The following ASAP1 variants were observed in gnomAD, a reference collection of about 807,000 sequenced individuals.
ASAP1 encodes ArfGAP with SH3 domain, ankyrin repeat and PH domain 1.
Under a neutral mutation model 145.2 loss-of-function variants are expected in ASAP1, and 43 were observed. That is an observed-to-expected ratio of 0.30 (90% CI 0.23 to 0.38). ASAP1 has a LOEUF of 0.38. Among genes scored for constraint, ASAP1 ranks in the 10% least tolerant of loss-of-function variants. ASAP1 has a pLI of 1.00. For missense variants in ASAP1, 1,018 were observed against 1,355.3 expected (o/e 0.75, Z 3.91); for synonymous variants, 546 against 515.5 (o/e 1.06, Z -0.80).
chr8:130,160,055 T>C, intron 11 of ASAP1, 91 bp from the exon 12 acceptor site: 1 of 1,097,784 alleles, frequency 9.1e-7, no homozygotes, highest in Non-Finnish European at 1.4e-6. Context: ...GGCACTGGTC[T>C]GGGTCTAAGG....
At chr8:130,329,209 C>T (rs924987664) in intron 3 of ASAP1, among the ~76,000 whole-genome samples, 5 of 152,190 alleles carry the variant, frequency 3.3e-5, no homozygotes, top group African/African-American at 1.2e-4. Flanking sequence ...CAGCGGTTCA[C>T]TAAGCCACTT....
intron 24 of ASAP1, among the ~76,000 whole-genome samples, chr8:130,097,159 A>AAAAAAC (rs2097520000): frequency 7.5e-6 from 1 of 132,946 alleles, no homozygotes; most frequent in Non-Finnish European, 1.6e-5. Context: ...AAAAAAAAAA[A>AAAAAAC]AAGTCCTTGA....
chr8:130,336,401 C>T (rs1825038846), intron 3 of ASAP1, among the ~76,000 whole-genome samples: 1 of 152,208 alleles, frequency 6.6e-6, no homozygotes, highest in Admixed American at 6.5e-5. Flanking sequence ...TACCCCAAAC[C>T]TACCAAATTA....
intron 27 of ASAP1, among the ~76,000 whole-genome samples, chr8:130,074,893 G>C (rs1449399787): frequency 6.6e-6 from 1 of 152,198 alleles, no homozygotes; most frequent in East Asian, 1.9e-4. Flanking sequence ...GAAGTCAGTT[G>C]AGTGGCAGAA....
intron 1 of ASAP1, among the ~76,000 whole-genome samples, chr8:130,425,918 A>T (rs1374312284): frequency 6.6e-6 from 1 of 152,106 alleles, no homozygotes; most frequent in African/African-American, 2.4e-5. Context: ...GGAAGAAGAA[A>T]TCCATACTTT....
intron 3 of ASAP1, chr8:130,340,903 G>A (rs372703669): frequency 2.9e-4 from 130 of 456,036 alleles, no homozygotes; most frequent in African/African-American, 2.3e-3. Flanking sequence ...TGCGATGAAT[G>A]ACAAAATCTT....
At chr8:130,086,449 C>A (rs931146391) in intron 25 of ASAP1, among the ~76,000 whole-genome samples, 1 of 152,184 alleles carries the variant, frequency 6.6e-6, no homozygotes, top group East Asian at 1.9e-4. Flanking sequence ...AGTTTTTTAT[C>A]CGAAGATTCT....
intron 1 of ASAP1, among the ~76,000 whole-genome samples, chr8:130,436,066 G>C (rs1039489889): frequency 6.6e-6 from 1 of 152,150 alleles, no homozygotes; most frequent in Non-Finnish European, 1.5e-5. Flanking sequence ...GGCTCCTCTA[G>C]AACGAACCTA....
At chr8:130,435,045 C>T (rs555638954) in intron 1 of ASAP1, among the ~76,000 whole-genome samples, 4 of 152,182 alleles carry the variant, frequency 2.6e-5, no homozygotes, top group South Asian at 2.1e-4. Flanking sequence ...GCTGTCCCAT[C>T]GGCCTTGAAG....
intron 3 of ASAP1, among the ~76,000 whole-genome samples, chr8:130,322,235 G>C (rs766370511): frequency 1.3e-5 from 2 of 151,414 alleles, no homozygotes; most frequent in Non-Finnish European, 2.9e-5. Context: ...AAGAAACTGA[G>C]AGATAAAAAT....
chr8:130,093,887 A>C (rs2097511464), intron 24 of ASAP1, among the ~76,000 whole-genome samples: 2 of 152,120 alleles, frequency 1.3e-5, no homozygotes, highest in Admixed American at 1.3e-4. Context: ...ATATTGACTT[A>C]AACCATTATT....
At chr8:130,248,273 A>T (rs1565133487) in intron 3 of ASAP1, among the ~76,000 whole-genome samples, 2 of 152,114 alleles carry the variant, frequency 1.3e-5, no homozygotes, top group Admixed American at 6.5e-5. Context: ...CGGCTCCTAC[A>T]TCTACAAAGA....
intron 25 of ASAP1, chr8:130,083,475 C>T (rs988684500): frequency 6.6e-6 from 1 of 152,174 alleles, no homozygotes; most frequent in Non-Finnish European, 1.5e-5. Flanking sequence ...TGGACCTAGA[C>T]AAGTGTGGCT....
chr8:130,151,608 T>C (rs1467550999), intron 13 of ASAP1, among the ~76,000 whole-genome samples: 1 of 152,164 alleles, frequency 6.6e-6, no homozygotes, highest in Non-Finnish European at 1.5e-5. Flanking sequence ...AAAAGTGTGC[T>C]GCGAGGGGCA....
intron 5 of ASAP1, among the ~76,000 whole-genome samples, chr8:130,199,827 A>G (rs1379043887): frequency 6.6e-6 from 1 of 152,006 alleles, no homozygotes; most frequent in Admixed American, 6.6e-5. Context: ...CCCCAACTCA[A>G]CAAAGTAACA....
chr8:130,073,240 A>G (rs1237341229), intron 27 of ASAP1, among the ~76,000 whole-genome samples: 2 of 151,896 alleles, frequency 1.3e-5, no homozygotes, highest in African/African-American at 4.8e-5. Flanking sequence ...AAAATACAAA[A>G]TTTGATGGGC....
At chr8:130,214,311 T>C (rs971513310) in intron 5 of ASAP1, among the ~76,000 whole-genome samples, 2 of 152,142 alleles carry the variant, frequency 1.3e-5, no homozygotes, top group Non-Finnish European at 2.9e-5. Context: ...ATCTACTCTA[T>C]CAGCTGGGCC....
At chr8:130,152,485 G>T in intron 13 of ASAP1, 1 of 305,606 alleles carries the variant, frequency 3.3e-6, no homozygotes, top group South Asian at 1.3e-4. Flanking sequence ...TTTCCCAAAA[G>T]ATAATATTAT....
chr8:130,187,625 C>G (rs1472613937), intron 6 of ASAP1, among the ~76,000 whole-genome samples: 1 of 152,088 alleles, frequency 6.6e-6, no homozygotes, highest in Non-Finnish European at 1.5e-5. Flanking sequence ...TATTATGTTG[C>G]CCAGGCTGGT....
Sources: gnomAD v4.1 joint callset for allele counts (sites outside exome capture counted in the v4.1 genomes callset) on GRCh38, gnomAD v4.1.1 for gene constraint, MANE v1.5 for transcripts, NCBI Gene and HGNC (gene_info 2026-07-23, HGNC 2026-07-21) for gene names.